The following NELL2 variants were observed in gnomAD, a reference collection of about 807,000 sequenced individuals.
NELL2 encodes the protein neural EGFL like 2.
NELL2 carries 41 observed loss-of-function variants against 109.6 expected under a neutral mutation model. The observed-to-expected ratio is 0.37, with a 90% confidence interval of 0.29 to 0.49. The LOEUF is 0.49. NELL2 is among the 20% of genes least tolerant of loss of function. NELL2 has a pLI of 0.98. For missense variants in NELL2, 900 were observed against 1,008.3 expected, an observed-to-expected ratio of 0.89 and a Z score of 1.45; for synonymous variants, 355 against 344.7, an observed-to-expected ratio of 1.03 and a Z score of -0.33.
chr12:44,791,429 A>T (rs1018791275), intron 3 of NELL2, among the ~76,000 whole-genome samples: 1 of 150,548 alleles, frequency 6.6e-6, no homozygotes, highest in Non-Finnish European at 1.5e-5. Flanking sequence ...ACTTGGGGGG[A>T]AGCCTAGGAG....
chr12:44,744,468 A>C (rs934535258), intron 9 of NELL2, among the ~76,000 whole-genome samples: 4 of 149,454 alleles, frequency 2.7e-5, no homozygotes, highest in Non-Finnish European at 5.9e-5. Context: ...AACTGAAGGA[A>C]ATAGAGACAC....
chr12:44,711,255 T>G, intron 11 of NELL2, 37 bp downstream of exon 11: 1 of 1,447,674 alleles, frequency 6.9e-7, no homozygotes, highest in Non-Finnish European at 9.7e-7. Context: ...CTATAATAAC[T>G]CTTGCACGTA....
chr12:44,511,758 T>C (rs1941011212), intron 19 of NELL2, among the ~76,000 whole-genome samples: 1 of 152,146 alleles, frequency 6.6e-6, no homozygotes, highest in Non-Finnish European at 1.5e-5. Context: ...TTCTAAGATA[T>C]AAAGGATTGA....
At chr12:44,704,879 C>T (rs1160272067) in intron 11 of NELL2, among the ~76,000 whole-genome samples, 2 of 151,834 alleles carry the variant, frequency 1.3e-5, no homozygotes, top group Admixed American at 1.3e-4. Flanking sequence ...ATTATCTGGG[C>T]ATGGTGGCAG....
chr12:44,516,947 T>C (rs1941293425), intron 19 of NELL2, among the ~76,000 whole-genome samples: 1 of 150,760 alleles, frequency 6.6e-6, no homozygotes, highest in Admixed American at 6.6e-5. Flanking sequence ...GAAGCACTAA[T>C]CTTTTCTTTC....
intron 9 of NELL2, among the ~76,000 whole-genome samples, chr12:44,721,376 T>A (rs1029012052): frequency 6.6e-6 from 1 of 152,196 alleles, no homozygotes; most frequent in Non-Finnish European, 1.5e-5. Flanking sequence ...GAAAATACAG[T>A]ATTTGTGTCA....
chr12:44,914,991 A>G (rs1945817267), upstream of NELL2, among the ~76,000 whole-genome samples: 1 of 151,638 alleles, frequency 6.6e-6, no homozygotes, highest in African/African-American at 2.4e-5. Context: ...CTGGGACTAC[A>G]GGCACTCGCC....
intron 15 of NELL2, among the ~76,000 whole-genome samples, chr12:44,569,762 T>A (rs1306887040): frequency 1.4e-5 from 2 of 141,874 alleles, no homozygotes; most frequent in Non-Finnish European, 2.9e-5. Context: ...ATCTATGAAT[T>A]TTTTTTATGA....
intron 19 of NELL2, 118 bp downstream of exon 19, chr12:44,519,887 A>G (rs1941449419): frequency 1.1e-6 from 1 of 891,670 alleles, no homozygotes; most frequent in East Asian, 2.6e-5. Context: ...CCTATGTTTG[A>G]AAAATAAACA....
At chr12:44,545,254 C>A (rs1187669090) in intron 15 of NELL2, among the ~76,000 whole-genome samples, 2 of 151,978 alleles carry the variant, frequency 1.3e-5, no homozygotes, top group Non-Finnish European at 2.9e-5. Context: ...CACAACATAA[C>A]CAATGTGTAA....
At chr12:44,881,332 A>T (rs565919984) in intron 1 of NELL2, among the ~76,000 whole-genome samples, 25 of 152,144 alleles carry the variant, frequency 1.6e-4, no homozygotes, top group African/African-American at 6.0e-4. Flanking sequence ...TCTGGAAAAG[A>T]TTAAAGAAAC....
chr12:44,557,113 TC>T (rs1463564933), intron 15 of NELL2, among the ~76,000 whole-genome samples: 1 of 152,154 alleles, frequency 6.6e-6, no homozygotes, highest in Admixed American at 6.5e-5. Context: ...CTCCCACACA[TC>T]CTTTCTCGTT....
intron 19 of NELL2, among the ~76,000 whole-genome samples, chr12:44,514,855 G>C (rs1329701584): frequency 1.3e-5 from 2 of 151,158 alleles, no homozygotes; most frequent in African/African-American, 4.8e-5. Flanking sequence ...TAGCACAAAA[G>C]CTATGGGGAT....
chr12:44,604,264 G>T (rs569492148), intron 15 of NELL2, among the ~76,000 whole-genome samples: 1 of 152,158 alleles, frequency 6.6e-6, no homozygotes, highest in African/African-American at 2.4e-5. Context: ...AGCAAGGAAA[G>T]AGGAAGGAGT....
intron 15 of NELL2, among the ~76,000 whole-genome samples, chr12:44,577,472 T>G (rs961267659): frequency 1.6e-5 from 2 of 126,582 alleles, no homozygotes; most frequent in African/African-American, 3.5e-5. Flanking sequence ...GTAGTTTTTT[T>G]TTTTTTTTTT....
chr12:44,539,117 C>T lies in NELL2; in HGVS notation c.1664-6396G>A, dbSNP rs189355809. Among the ~76,000 whole-genome samples, 35 of 152,256 alleles carry T rather than the reference C, an allele frequency of 2.3e-4. No individual in the cohort carries two copies. In the East Asian group the frequency reaches 5.8e-3, roughly 25 times the overall value. On this transcript the variant is annotated intron_variant, in intron 15 of 19. Transcript: ENST00000429094. ...TGTCTGTTTCCCCCCATATTCTCCT[C>T]GTATTTTGTATCCTTGTAATAGCAT...
intron 9 of NELL2, among the ~76,000 whole-genome samples, chr12:44,771,806 G>T (rs1941562560): frequency 6.6e-6 from 1 of 152,182 alleles, no homozygotes; most frequent in Non-Finnish European, 1.5e-5. Context: ...AAGTTACCGA[G>T]GGAAAGTATA....
At chr12:44,873,098 A>G (rs1374089765) in intron 2 of NELL2, among the ~76,000 whole-genome samples, 1 of 152,240 alleles carries the variant, frequency 6.6e-6, no homozygotes, top group Non-Finnish European at 1.5e-5. Context: ...TCAATACATC[A>G]GTAATATATG....
intron 2 of NELL2, among the ~76,000 whole-genome samples, chr12:44,837,548 C>G (rs1352046370): frequency 6.6e-6 from 1 of 152,210 alleles, no homozygotes; most frequent in African/African-American, 2.4e-5. Flanking sequence ...GAGCGTATGA[C>G]AGGTAGCACT....
Sources: allele counts gnomAD v4.1 joint callset (sites outside exome capture counted in the v4.1 genomes callset), GRCh38; gene constraint gnomAD v4.1.1; transcripts MANE v1.5; gene names NCBI Gene and HGNC (gene_info 2026-07-23, HGNC 2026-07-21).